The following SYN3 variants were observed in gnomAD, a reference collection of about 807,000 sequenced individuals.
SYN3 encodes synapsin III, also known as synapsin-3.
A neutral mutation model predicts 65.8 loss-of-function variants in SYN3; 35 were observed. That is an observed-to-expected ratio of 0.53 (90% CI 0.41 to 0.70). SYN3 has a LOEUF of 0.70. Among genes scored for constraint, SYN3 ranks in the 30% least tolerant of loss-of-function variants. The probability of loss-of-function intolerance (pLI) is 0.00; values close to 1 mark genes in which losing one functional copy is unlikely to be tolerated. For synonymous variants in SYN3, 270 were observed against 292.9 expected (o/e 0.92, Z 0.80); for missense variants, 680 against 749.0 (o/e 0.91, Z 1.08).
chr22:32,722,084 G>A (rs998955685), intron 6 of SYN3, among the ~76,000 whole-genome samples: 3 of 152,136 alleles, frequency 2.0e-5, no homozygotes, highest in Admixed American at 6.5e-5. Flanking sequence ...AGGCCAGACG[G>A]TTCAATGCAT....
chr22:32,741,031 G>T, intron 6 of SYN3, among the ~76,000 whole-genome samples: 1 of 152,168 alleles, frequency 6.6e-6, no homozygotes, highest in Non-Finnish European at 1.5e-5. Context: ...TTACCATTTA[G>T]GCTTTGGCTT....
intron 2 of SYN3, among the ~76,000 whole-genome samples, chr22:33,001,530 TC>T (rs2053058864): frequency 6.6e-6 from 1 of 152,038 alleles, no homozygotes; most frequent in Admixed American, 6.6e-5. Flanking sequence ...ATGGGATAAA[TC>T]CTAATCCAGA....
intron 6 of SYN3, among the ~76,000 whole-genome samples, chr22:32,748,797 T>C (rs911837994): frequency 6.6e-6 from 1 of 152,174 alleles, no homozygotes; most frequent in Admixed American, 6.5e-5. Flanking sequence ...TAGAAGCCCC[T>C]GGTCTCTGCC....
intron 6 of SYN3, among the ~76,000 whole-genome samples, chr22:32,705,786 T>C (rs550387482): frequency 6.6e-6 from 1 of 152,246 alleles, no homozygotes; most frequent in Non-Finnish European, 1.5e-5. Context: ...TGGTTAGCTG[T>C]ATTCCTAGGT....
intron 6 of SYN3, among the ~76,000 whole-genome samples, chr22:32,850,026 G>A (rs1439013722): frequency 6.6e-6 from 1 of 151,272 alleles, no homozygotes; most frequent in Non-Finnish European, 1.5e-5. Flanking sequence ...AAACTGTGCT[G>A]ATCACAGGAA....
At chr22:33,052,936 G>A (rs2054195116) in intron 1 of SYN3, among the ~76,000 whole-genome samples, 1 of 152,188 alleles carries the variant, frequency 6.6e-6, no homozygotes, top group South Asian at 2.1e-4. Context: ...CCTACAAAGG[G>A]AGCATGGATA....
chr22:32,747,305 A>AAAAACAAAAAAC (rs113356676), intron 6 of SYN3, among the ~76,000 whole-genome samples: 2 of 150,382 alleles, frequency 1.3e-5, no homozygotes, highest in Non-Finnish European at 3.0e-5. Flanking sequence ...TTCCAAGACC[A>AAAAACAAAAAAC]AAAACAAAAC....
At chr22:33,043,154 T>C (rs1025177225) in intron 1 of SYN3, among the ~76,000 whole-genome samples, 3 of 152,240 alleles carry the variant, frequency 2.0e-5, no homozygotes, top group African/African-American at 7.2e-5. Context: ...GACTGGTCTA[T>C]AGTAAGTACC....
rs190552319 is a variant in SYN3, at chr22:32,647,433, T to C, written c.712-50697A>G. Among the ~76,000 whole-genome samples, 410 of 152,002 alleles carry C rather than the reference T, an allele frequency of 2.7e-3. 2 individuals are homozygous for C. The highest frequency in any genetic ancestry group is 9.2e-3 in the African/African-American group (381 of 41,504). ...TTTCCTTTTCAGTGAATTTTCTAGCTTTGAGATTTTTCTTTTTCTTTTTTT... is the reference window on the plus strand; with the variant it reads ...TTTCCTTTTCAGTGAATTTTCTAGCCTTGAGATTTTTCTTTTTCTTTTTTT... On this transcript the variant is annotated intron_variant, in intron 6 of 13. Coordinates refer to ENST00000358763, the MANE Select transcript of SYN3 (RefSeq NM_003490.4).
At chr22:32,775,357 A>G in intron 6 of SYN3, among the ~76,000 whole-genome samples, 1 of 152,106 alleles carries the variant, frequency 6.6e-6, no homozygotes, top group East Asian at 1.9e-4. Context: ...TTCAACATGA[A>G]TTTTGGGGGG....
chr22:32,604,278 G>C (rs1369857564), intron 6 of SYN3, among the ~76,000 whole-genome samples: 2 of 152,304 alleles, frequency 1.3e-5, no homozygotes, highest in East Asian at 3.9e-4. Context: ...AGGAGGAGCT[G>C]GCCTCCATTT....
chr22:32,724,638 T>C (rs941684972), intron 6 of SYN3, among the ~76,000 whole-genome samples: 2 of 152,238 alleles, frequency 1.3e-5, no homozygotes, highest in African/African-American at 4.8e-5. Flanking sequence ...TTTATTTTTT[T>C]CATGTATTAA....
At chr22:32,741,996 G>A (rs569683709) in intron 6 of SYN3, among the ~76,000 whole-genome samples, 12 of 151,296 alleles carry the variant, frequency 7.9e-5, no homozygotes, top group African/African-American at 2.2e-4. Context: ...AGCCCTGGCC[G>A]GGCGCGGTGG....
At chr22:32,886,326 C>T (rs137506) in intron 4 of SYN3, among the ~76,000 whole-genome samples, 85,151 of 151,974 alleles carry the variant, frequency 0.56, 24,603 homozygotes, top group African/African-American at 0.63. Context: ...CCAAGCCTTG[C>T]GTTTCTCCCT....
At chr22:32,561,937 A>G (rs2058592477) in intron 7 of SYN3, among the ~76,000 whole-genome samples, 1 of 152,202 alleles carries the variant, frequency 6.6e-6, no homozygotes, top group Non-Finnish European at 1.5e-5. Context: ...GATTTCTACT[A>G]GGTGATATAT....
At chr22:32,945,676 C>A (rs2051086045) in intron 3 of SYN3, among the ~76,000 whole-genome samples, 3 of 152,226 alleles carry the variant, frequency 2.0e-5, no homozygotes, top group South Asian at 2.1e-4. Context: ...GCAACAAAAG[C>A]CAACATTGAC....
intron 3 of SYN3, among the ~76,000 whole-genome samples, chr22:32,948,578 T>C (rs1384014015): frequency 6.6e-6 from 1 of 151,564 alleles, no homozygotes; most frequent in African/African-American, 2.4e-5. Flanking sequence ...CTACTAAAAA[T>C]ACAAAAAAAT....
At chr22:32,880,163 T>C (rs1389020021) in intron 4 of SYN3, among the ~76,000 whole-genome samples, 1 of 152,246 alleles carries the variant, frequency 6.6e-6, no homozygotes, top group African/African-American at 2.4e-5. Context: ...TTACTCATTA[T>C]TGGGTACTTG....
At chr22:32,964,322 T>C in intron 3 of SYN3, among the ~76,000 whole-genome samples, 1 of 148,100 alleles carries the variant, frequency 6.8e-6, no homozygotes, top group Admixed American at 6.7e-5. Context: ...ACATGTTAAA[T>C]GACGAGTTAA....
Sources: allele counts gnomAD v4.1 joint callset (sites outside exome capture counted in the v4.1 genomes callset), GRCh38; gene constraint gnomAD v4.1.1; transcripts MANE v1.5; gene names NCBI Gene and HGNC (gene_info 2026-07-23, HGNC 2026-07-21).